The following LDAH variants were observed in gnomAD, a reference collection of about 807,000 sequenced individuals.
The protein encoded by LDAH is lipid droplet-associated hydrolase.
LDAH carries 26 observed loss-of-function variants against 29.6 expected under a neutral mutation model. That is an observed-to-expected ratio of 0.88 (90% CI 0.64 to 1.22). The LOEUF (loss-of-function observed/expected upper bound fraction) is 1.22. Ranked by LOEUF, LDAH falls within the 50% of genes most tolerant of loss-of-function variation. LDAH has a pLI of 0.00. For synonymous variants in LDAH, 117 were observed against 133.0 expected (o/e 0.88, Z 0.83); for missense variants, 344 against 387.3 (o/e 0.89, Z 0.94).
At chr2:20,820,186 TG>T (rs1673155604) in intron 1 of LDAH, among the ~76,000 whole-genome samples, 1 of 152,066 alleles carries the variant, frequency 6.6e-6, no homozygotes, top group African/African-American at 2.4e-5. Context: ...ATGGCCATAC[TG>T]CCCAAGGTAA....
At chr2:20,814,600 A>G (rs1672728365) in intron 1 of LDAH, among the ~76,000 whole-genome samples, 1 of 152,192 alleles carries the variant, frequency 6.6e-6, no homozygotes, top group Admixed American at 6.5e-5. Flanking sequence ...AGCTGAGACT[A>G]TAGGCACACA....
In LDAH at chr2:20,696,921, C is replaced by T. The variant is rs752574657; in HGVS notation, c.786+4649G>A. Among the ~76,000 whole-genome samples, 13 of 152,244 alleles carry T rather than the reference C, an allele frequency of 8.5e-5. No homozygotes were observed. The Middle Eastern group carries it at 0.01, about 120-fold the overall frequency. Reference sequence around the variant, plus strand: ...TATTCATTCAGTGGCTCCTCGTCTTCCTCCCAACCCTTAAGCTGGGTTCCC... The same window carrying T: ...TATTCATTCAGTGGCTCCTCGTCTTTCTCCCAACCCTTAAGCTGGGTTCCC... On this transcript the variant is annotated intron_variant, in intron 6 of 6. Transcript: ENST00000237822.
rs184879869 is a variant in LDAH at position 20,746,151 on chromosome 2, T to C, written c.469-5946A>G. Among the ~76,000 whole-genome samples the C allele has an allele frequency of 1.2e-3, 180 of 152,326 alleles. 2 individuals carry two copies. The highest frequency in any genetic ancestry group is 4.3e-3 in the African/African-American group (177 of 41,564). On this transcript the variant is annotated intron_variant, in intron 4 of 6. Transcript: ENST00000237822. The stretch of plus-strand genomic sequence containing the variant: ...TGATTTAAAGAATATAAATGATTAA[T>C]TCAGTTAATACCAAACTAGAAGAAT...
chr2:20,705,285 T>C (rs1872059), intron 5 of LDAH, among the ~76,000 whole-genome samples: 91,419 of 152,026 alleles, frequency 0.6, 29,209 homozygotes, highest in African/African-American at 0.84. Flanking sequence ...CTTCCCTTTG[T>C]CCTGCCCCTA....
chr2:20,762,655 G>T (rs1177509768), intron 4 of LDAH, among the ~76,000 whole-genome samples: 15 of 152,136 alleles, frequency 9.9e-5, no homozygotes, highest in Non-Finnish European at 4.4e-5. Context: ...ATCACACATT[G>T]TGGTAGGCAC....
chr2:20,764,915 T>C (rs1328582819), intron 4 of LDAH, among the ~76,000 whole-genome samples: 1 of 152,238 alleles, frequency 6.6e-6, no homozygotes, highest in Non-Finnish European at 1.5e-5. Context: ...TTAAAATACC[T>C]TGTTACATGT....
chr2:20,703,078 G>C (rs1430946527), intron 5 of LDAH, among the ~76,000 whole-genome samples: 2 of 152,128 alleles, frequency 1.3e-5, no homozygotes, highest in Non-Finnish European at 2.9e-5. Context: ...CGCCTGCCTT[G>C]GCCTCTCAAA....
chr2:20,742,793 CTTTTTTTTTT>C (rs71391767), intron 4 of LDAH, among the ~76,000 whole-genome samples: 1 of 114,406 alleles, frequency 8.7e-6, no homozygotes, highest in African/African-American at 3.1e-5. Flanking sequence ...TTTCTTTTTC[CTTTTTTTTTT>C]TTTTTTTTGA....
Position 20,686,767 on chromosome 2 carries a change from G to C in LDAH, c.*136C>G. On this transcript the variant is annotated 3_prime_UTR_variant, in exon 7 of 7. Coordinates refer to ENST00000237822, the MANE Select transcript of LDAH (RefSeq NM_021925.4). ...TTCAGCCTATAACATGGCGAGCGGA[G>C]AGTTGGTTTGTAAGACAAAGGTTCT... The C allele has an allele frequency of 1.4e-6, 1 of 737,674 alleles. No homozygotes were observed. Among genetic ancestry groups the C allele is most frequent in the Non-Finnish European group, 2.2e-6 (1 of 453,654 alleles). The allele number at this position is 737,674 out of a possible 1,614,324, so 45.7% of individuals were successfully genotyped here. A position where few individuals can be genotyped will look rare whatever the true frequency, so the allele number is the denominator to read the frequency against.
chr2:20,740,448 A>G (rs895809117), intron 4 of LDAH, among the ~76,000 whole-genome samples: 5 of 152,074 alleles, frequency 3.3e-5, no homozygotes. Context: ...AACTGGGACT[A>G]CAGGTGTGCA....
intron 1 of LDAH, among the ~76,000 whole-genome samples, chr2:20,813,122 A>T (rs1476790196): frequency 6.6e-6 from 1 of 152,186 alleles, no homozygotes; most frequent in African/African-American, 2.4e-5. Context: ...TTTCACTTAT[A>T]TGGATAAATG....
chr2:20,815,887 T>TTATGAGTTTCTTA (rs1285903549), intron 1 of LDAH, among the ~76,000 whole-genome samples: 2 of 152,156 alleles, frequency 1.3e-5, no homozygotes, highest in Non-Finnish European at 2.9e-5. Flanking sequence ...ATTCTTCATC[T>TTATGAGTTTCTTA]TATGAGTTTC....
At chr2:20,755,746 A>G (rs1380807837) in intron 4 of LDAH, among the ~76,000 whole-genome samples, 1 of 152,232 alleles carries the variant, frequency 6.6e-6, no homozygotes, top group African/African-American at 2.4e-5. Context: ...GGGAAAAGGA[A>G]CATCATAAAA....
At chr2:20,748,073 T>C (rs1250114186) in intron 4 of LDAH, among the ~76,000 whole-genome samples, 5 of 152,310 alleles carry the variant, frequency 3.3e-5, no homozygotes, top group African/African-American at 1.2e-4. Flanking sequence ...TTTACAAGTG[T>C]CTCAAATCAT....
intron 4 of LDAH, among the ~76,000 whole-genome samples, chr2:20,752,220 T>G (rs62123979): frequency 6.6e-6 from 1 of 151,684 alleles, no homozygotes; most frequent in Admixed American, 6.6e-5. Context: ...AAAAAAAATT[T>G]ATACTTCAAT....
chr2:20,709,524 T>C (rs1194037068), intron 5 of LDAH, among the ~76,000 whole-genome samples: 1 of 152,098 alleles, frequency 6.6e-6, no homozygotes, highest in Non-Finnish European at 1.5e-5. Context: ...TGACAAGATG[T>C]GGAGAAACTG....
intron 2 of LDAH, 118 bp from the exon 3 acceptor site, chr2:20,790,516 T>G: frequency 5.1e-6 from 4 of 782,278 alleles, no homozygotes; most frequent in Non-Finnish European, 8.2e-6. Context: ...TTCTTCAGAG[T>G]ACCCAAGAGA....
At chr2:20,774,148 C>G (rs533128964) in intron 4 of LDAH, among the ~76,000 whole-genome samples, 3 of 152,240 alleles carry the variant, frequency 2.0e-5, no homozygotes, top group Non-Finnish European at 2.9e-5. Context: ...ATGGTATATG[C>G]TAGTGAAAGT....
intron 6 of LDAH, among the ~76,000 whole-genome samples, chr2:20,699,539 T>C (rs1172419520): frequency 4.6e-5 from 7 of 152,234 alleles, no homozygotes. Flanking sequence ...GCTGTAATTG[T>C]ATTATTCTAG....
Sources: gnomAD v4.1 joint callset for allele counts (sites outside exome capture counted in the v4.1 genomes callset) on GRCh38, gnomAD v4.1.1 for gene constraint, MANE v1.5 for transcripts, NCBI Gene and HGNC (gene_info 2026-07-23, HGNC 2026-07-21) for gene names.